Variants in DLGAP4 observed in about 807,000 individuals in gnomAD.
DLGAP4 encodes disks large-associated protein 4.
DLGAP4 carries 18 observed loss-of-function variants against 86.9 expected under a neutral mutation model. The observed-to-expected ratio is 0.21, with a 90% confidence interval of 0.14 to 0.31. The LOEUF is 0.31. Ranked by LOEUF, DLGAP4 falls within the 10% of genes least tolerant of loss-of-function variation. The pLI, the probability that DLGAP4 is intolerant of heterozygous loss-of-function variation, is 1.00. For synonymous variants in DLGAP4, 548 were observed against 574.3 expected, an observed-to-expected ratio of 0.95 and a Z score of 0.65; for missense variants, 1,085 against 1,362.6, an observed-to-expected ratio of 0.80 and a Z score of 3.21.
chr20:36,504,878 T>C (rs1317601837), intron 10 of DLGAP4, among the ~76,000 whole-genome samples: 2 of 152,270 alleles, frequency 1.3e-5, no homozygotes, highest in African/African-American at 4.8e-5. Context: ...GTAAGTCCTT[T>C]ATATATTATG....
At chr20:36,486,115 G>T (rs1379425570) in intron 7 of DLGAP4, among the ~76,000 whole-genome samples, 1 of 152,138 alleles carries the variant, frequency 6.6e-6, no homozygotes, top group Non-Finnish European at 1.5e-5. Flanking sequence ...GTCAAATAGG[G>T]GTTTGTTCAT....
At chr20:36,518,416 TC>T in intron 10 of DLGAP4, among the ~76,000 whole-genome samples, 1 of 152,344 alleles carries the variant, frequency 6.6e-6, no homozygotes, top group East Asian at 1.9e-4. Context: ...TATTAATTTC[TC>T]TTCTCTTTGG....
At chr20:36,396,341 A>G (rs940292346) in intron 2 of DLGAP4, among the ~76,000 whole-genome samples, 104 of 630 alleles carry the variant, frequency 0.17, no homozygotes, top group Middle Eastern at 0.25. Flanking sequence ...ACACACGCAC[A>G]CACACACACA....
chr20:36,340,836 G>T (rs2147373484), intron 1 of DLGAP4, among the ~76,000 whole-genome samples: 1 of 152,336 alleles, frequency 6.6e-6, no homozygotes, highest in African/African-American at 2.4e-5. Flanking sequence ...AGCGGGTGGA[G>T]GGGGAGGCAT....
chr20:36,466,641 C>CGT (rs2034366443), intron 7 of DLGAP4, among the ~76,000 whole-genome samples: 1 of 152,236 alleles, frequency 6.6e-6, no homozygotes, highest in Admixed American at 6.5e-5. Flanking sequence ...ACAGACCCAC[C>CGT]CATTCTTAGA....
intron 10 of DLGAP4, among the ~76,000 whole-genome samples, chr20:36,505,855 C>T (rs925294133): frequency 6.6e-6 from 1 of 152,050 alleles, no homozygotes; most frequent in Admixed American, 6.6e-5. Flanking sequence ...AAAGGTCTTC[C>T]TCCTTGTCTC....
chr20:36,412,387 G>C (rs1395579490), intron 2 of DLGAP4, among the ~76,000 whole-genome samples: 1 of 152,238 alleles, frequency 6.6e-6, no homozygotes, highest in African/African-American at 2.4e-5. Flanking sequence ...CCCACAGTTA[G>C]AGGCTGTGTC....
intron 1 of DLGAP4, among the ~76,000 whole-genome samples, chr20:36,335,733 G>A (rs2065315221): frequency 2.0e-5 from 3 of 152,120 alleles, no homozygotes; most frequent in Admixed American, 1.3e-4. Context: ...CCCATCCGTC[G>A]TGCCTCCCTT....
At chr20:36,514,892 C>G (rs1417709705) in intron 10 of DLGAP4, among the ~76,000 whole-genome samples, 2 of 152,050 alleles carry the variant, frequency 1.3e-5, no homozygotes, top group Non-Finnish European at 2.9e-5. Context: ...TCCACAGTGA[C>G]AGGAGAAAGG....
At chr20:36,421,827 G>A (rs2032837540) in intron 2 of DLGAP4, among the ~76,000 whole-genome samples, 1 of 152,130 alleles carries the variant, frequency 6.6e-6, no homozygotes, top group Non-Finnish European at 1.5e-5. Context: ...AGATGTCAAG[G>A]AGGCAGTTAG....
intron 1 of DLGAP4, among the ~76,000 whole-genome samples, chr20:36,366,148 CT>C (rs1370819671): frequency 6.6e-6 from 1 of 152,058 alleles, no homozygotes. Context: ...GAGATGGAGT[CT>C]TGCTCTGTCG....
At chr20:36,445,648 A>C (rs1043048668) in intron 6 of DLGAP4, among the ~76,000 whole-genome samples, 4 of 152,198 alleles carry the variant, frequency 2.6e-5, no homozygotes, top group African/African-American at 9.7e-5. Context: ...TGACCCAGAG[A>C]AGATAGTGAT....
intron 2 of DLGAP4, among the ~76,000 whole-genome samples, chr20:36,404,606 G>A (rs1235441762): frequency 6.6e-6 from 1 of 152,240 alleles, no homozygotes; most frequent in Non-Finnish European, 1.5e-5. Context: ...GTGAATGAGG[G>A]GGTGGAATGG....
chr20:36,384,522 T>C lies in DLGAP4; in HGVS notation c.-73+17247T>C, dbSNP rs531368394. ...ATTCCCATGTTAAAGGTGAGCAAAC[T>C]GAAGGTTAGAGAAGTTGAGTGACCT... On this transcript the variant is annotated intron_variant, in intron 2 of 12. Coordinates refer to ENST00000339266, the MANE Select transcript of DLGAP4 (RefSeq NM_001365621.2). 2.6e-5 allele frequency among the ~76,000 whole-genome samples: 4 copies of C among 152,302 alleles called. No individual in the cohort carries two copies. In the South Asian group the frequency reaches 8.3e-4, roughly 32 times the overall value.
At chr20:36,340,368 G>A (rs1244370239) in intron 1 of DLGAP4, among the ~76,000 whole-genome samples, 1 of 152,166 alleles carries the variant, frequency 6.6e-6, no homozygotes, top group Non-Finnish European at 1.5e-5. Context: ...CCGGCCCCAT[G>A]CTGTGGTTCC....
At chr20:36,414,054 G>T (rs1374914042) in intron 2 of DLGAP4, among the ~76,000 whole-genome samples, 1 of 152,260 alleles carries the variant, frequency 6.6e-6, no homozygotes, top group South Asian at 2.1e-4. Flanking sequence ...TTCCTATCCA[G>T]CTGGTCCCGT....
chr20:36,447,043 G>A, intron 7 of DLGAP4, 106 bp downstream of exon 7: 1 of 1,474,610 alleles, frequency 6.8e-7, no homozygotes, highest in Non-Finnish European at 9.0e-7. Flanking sequence ...TCTGTCTCAG[G>A]CTGGCCCGCA....
chr20:36,339,263 T>C (rs2065353228), intron 1 of DLGAP4, among the ~76,000 whole-genome samples: 1 of 152,030 alleles, frequency 6.6e-6, no homozygotes, highest in South Asian at 2.1e-4. Flanking sequence ...AATTTTTGTA[T>C]TTTTAGTAGA....
intron 2 of DLGAP4, among the ~76,000 whole-genome samples, chr20:36,408,839 AG>A (rs1382376986): frequency 6.6e-6 from 1 of 152,228 alleles, no homozygotes; most frequent in Non-Finnish European, 1.5e-5. Flanking sequence ...AAACAGAAAA[AG>A]GACGTTAATG....
Sources: gnomAD v4.1 joint callset for allele counts (sites outside exome capture counted in the v4.1 genomes callset) on GRCh38, gnomAD v4.1.1 for gene constraint, MANE v1.5 for transcripts, NCBI Gene and HGNC (gene_info 2026-07-23, HGNC 2026-07-21) for gene names.